The following AFF2 variants were observed in gnomAD, a reference collection of about 807,000 sequenced individuals.
AFF2 encodes ALF transcription elongation factor 2.
AFF2 carries 14 observed loss-of-function variants against 76.9 expected under a neutral mutation model. The ratio of observed to expected loss-of-function variants is 0.18; its 90% CI spans 0.12 to 0.28. AFF2 has a LOEUF of 0.28. AFF2 is among the 10% of genes least tolerant of loss of function. The probability of loss-of-function intolerance (pLI) is 1.00; values close to 1 mark genes in which losing one functional copy is unlikely to be tolerated. For synonymous variants in AFF2, 398 were observed against 366.7 expected, an observed-to-expected ratio of 1.09 and a Z score of -0.98; for missense variants, 868 against 1,001.1, an observed-to-expected ratio of 0.87 and a Z score of 1.79.
At chrX:148,530,215 G>A (rs982770000) in intron 1 of AFF2, among the ~76,000 whole-genome samples, 18 of 111,567 alleles carry the variant, frequency 1.6e-4, no homozygotes, top group Non-Finnish European at 2.8e-4. Flanking sequence ...TATCGCTACT[G>A]TTATCATTAT....
At chrX:148,537,121 CTG>C (rs1390937295) in intron 1 of AFF2, among the ~76,000 whole-genome samples, 1 of 112,372 alleles carries the variant, frequency 8.9e-6, no homozygotes, top group Non-Finnish European at 1.9e-5. Flanking sequence ...TTCAGGAATT[CTG>C]TGTTTGGTGC....
intron 1 of AFF2, among the ~76,000 whole-genome samples, chrX:148,514,882 A>G (rs1306916251): frequency 8.9e-6 from 1 of 112,378 alleles, no homozygotes; most frequent in Non-Finnish European, 1.9e-5. Context: ...TATTACTTAC[A>G]TCTGATAAAT....
At chrX:148,685,895 T>C (rs2054596514) in intron 3 of AFF2, among the ~76,000 whole-genome samples, 1 of 110,671 alleles carries the variant, frequency 9.0e-6, no homozygotes, top group African/African-American at 3.3e-5. Context: ...TTTCTCTCTG[T>C]CTCAATCTCT....
chrX:148,887,430 T>A (rs1391500014), intron 8 of AFF2, among the ~76,000 whole-genome samples: 1 of 112,589 alleles, frequency 8.9e-6, no homozygotes, highest in Non-Finnish European at 1.9e-5. Context: ...AGATAAAAAG[T>A]TGCCTTTTAA....
At chrX:148,566,305 G>T (rs185654364) in intron 1 of AFF2, among the ~76,000 whole-genome samples, 1 of 111,556 alleles carries the variant, frequency 9.0e-6, no homozygotes, top group East Asian at 2.8e-4. Flanking sequence ...GGTTGAATCA[G>T]ATGCTGATTT....
chrX:148,618,906 T>C (rs1411012083), intron 1 of AFF2, among the ~76,000 whole-genome samples: 22 of 111,039 alleles, frequency 2.0e-4, no homozygotes. Context: ...CTCATGACCC[T>C]AGACCCCACT....
At chrX:148,984,968 C>G (rs1173767672) in intron 19 of AFF2, among the ~76,000 whole-genome samples, 1 of 111,052 alleles carries the variant, frequency 9.0e-6, no homozygotes, top group Non-Finnish European at 1.9e-5. Context: ...CATGTGGTCT[C>G]TCTTTCCCTT....
intron 3 of AFF2, among the ~76,000 whole-genome samples, chrX:148,708,047 A>C (rs2054907997): frequency 8.9e-6 from 1 of 112,119 alleles, no homozygotes; most frequent in East Asian, 2.8e-4. Flanking sequence ...AATCTTTTAA[A>C]TCCTACTAAC....
chrX:148,954,397 AC>A (rs1225489983), intron 10 of AFF2, among the ~76,000 whole-genome samples: 1 of 110,913 alleles, frequency 9.0e-6, no homozygotes, highest in African/African-American at 3.3e-5. Flanking sequence ...TCCACCCTCA[AC>A]CCCCGGCTCT....
At chrX:148,654,771 G>A (rs1243928473) in intron 2 of AFF2, among the ~76,000 whole-genome samples, 3 of 108,808 alleles carry the variant, frequency 2.8e-5, no homozygotes. Context: ...AGAAATCAGG[G>A]CCTCCATTTT....
intron 1 of AFF2, among the ~76,000 whole-genome samples, chrX:148,615,357 C>A (rs5980549): frequency 1.8e-5 from 2 of 111,601 alleles, no homozygotes; most frequent in Non-Finnish European, 3.8e-5. Context: ...TGAAAGAGAT[C>A]GAATGGAATT....
intron 7 of AFF2, among the ~76,000 whole-genome samples, chrX:148,872,365 A>G (rs1197631229): frequency 8.9e-6 from 1 of 111,766 alleles, no homozygotes; most frequent in Non-Finnish European, 1.9e-5. Flanking sequence ...TATGAAAGGA[A>G]TCATGTGATA....
intron 4 of AFF2, among the ~76,000 whole-genome samples, chrX:148,834,773 A>C (rs1340017954): frequency 8.9e-6 from 1 of 111,787 alleles, no homozygotes; most frequent in East Asian, 2.8e-4. Context: ...GTTAATGAAA[A>C]GGATAACAAT....
intron 3 of AFF2, among the ~76,000 whole-genome samples, chrX:148,752,081 C>T (rs782344870): frequency 9.0e-6 from 1 of 111,223 alleles, no homozygotes; most frequent in South Asian, 3.8e-4. Context: ...AGGAGGAGCC[C>T]TCATGACCTA....
chrX:148,931,679 G>A (rs782212115), intron 9 of AFF2, among the ~76,000 whole-genome samples: 9 of 112,079 alleles, frequency 8.0e-5, no homozygotes, highest in Non-Finnish European at 1.1e-4. Flanking sequence ...TTATTCTGCT[G>A]TAGGTATTAT....
intron 8 of AFF2, among the ~76,000 whole-genome samples, chrX:148,887,671 G>A (rs781827627): frequency 1.8e-5 from 2 of 111,609 alleles, no homozygotes; most frequent in Non-Finnish European, 3.8e-5. Context: ...TTGGTGGGTT[G>A]GAACCTTTTT....
At chrX:148,670,559 C>T (rs2124477912) in intron 3 of AFF2, among the ~76,000 whole-genome samples, 1 of 111,673 alleles carries the variant, frequency 9.0e-6, no homozygotes, top group African/African-American at 3.3e-5. Context: ...AGCTCAAAAG[C>T]CAGACTGTCA....
intron 9 of AFF2, among the ~76,000 whole-genome samples, chrX:148,907,587 A>C (rs952974083): frequency 4.5e-5 from 5 of 111,480 alleles, no homozygotes; most frequent in African/African-American, 9.8e-5. Context: ...GCAAGTTTCT[A>C]TTAGTGATTT....
intron 1 of AFF2, among the ~76,000 whole-genome samples, chrX:148,529,431 C>T (rs1220393505): frequency 6.2e-5 from 7 of 112,285 alleles, no homozygotes; most frequent in Non-Finnish European, 1.3e-4. Flanking sequence ...TATAGGTCAA[C>T]ACAGCTACAG....
Sources: gnomAD v4.1 joint callset for allele counts (sites outside exome capture counted in the v4.1 genomes callset) on GRCh38, gnomAD v4.1.1 for gene constraint, MANE v1.5 for transcripts, NCBI Gene and HGNC (gene_info 2026-07-23, HGNC 2026-07-21) for gene names.